DOCK1: variants seen among roughly 807,000 people sequenced by gnomAD.
The protein encoded by DOCK1 is dedicator of cytokinesis 1.
In DOCK1, 138 loss-of-function variants were observed where a neutral mutation model predicts 262.7. The observed-to-expected ratio is 0.53, with a 90% CI of 0.46 to 0.61. DOCK1 has a LOEUF of 0.61. Ranked by LOEUF, DOCK1 falls within the 20% of genes least tolerant of loss-of-function variation. The pLI, the probability that DOCK1 is intolerant of heterozygous loss-of-function variation, is 0.00. For synonymous variants in DOCK1, 866 were observed against 867.4 expected (o/e 1.00, Z 0.03); for missense variants, 1,908 against 2,370.7 (o/e 0.80, Z 4.05).
intron 29 of DOCK1, among the ~76,000 whole-genome samples, chr10:127,273,146 G>A (rs1340446478): frequency 2.0e-5 from 3 of 152,202 alleles, no homozygotes; most frequent in South Asian, 2.1e-4. Flanking sequence ...AAACACTAAA[G>A]TGAAGTTTCC....
intron 29 of DOCK1, among the ~76,000 whole-genome samples, chr10:127,310,794 A>C (rs555834007): frequency 1.3e-5 from 2 of 152,306 alleles, no homozygotes; most frequent in African/African-American, 2.4e-5. Context: ...GCTAGAACAC[A>C]TTACTACAAT....
intron 50 of DOCK1, 148 bp downstream of exon 50, chr10:127,444,427 C>T: frequency 9.0e-7 from 1 of 1,106,156 alleles, no homozygotes; most frequent in South Asian, 1.7e-5. Flanking sequence ...GGAGTGTCCC[C>T]TGGGACAGGC....
rs1471782044 is a variant in DOCK1 at position 127,339,082 on chromosome 10, C to G, written c.3121C>G (p.Gln1041Glu). The G allele has an allele frequency of 6.4e-7, 1 of 1,569,992 alleles. No homozygotes were observed. The highest frequency in any genetic ancestry group is 1.2e-5 in the South Asian group (1 of 85,154). The change falls in exon 30 of 52, where the codon CAG becomes GAG. Residue 1041 changes from glutamine to glutamate, a missense_variant and splice_region_variant. Physicochemically the swap from Gln to Glu is conservative, Grantham distance 29. Coordinates refer to ENST00000623213, the MANE Select transcript of DOCK1 (RefSeq NM_001290223.2). The stretch of plus-strand genomic sequence containing the variant: ...TCTGGATCAAGCCAACTTTGAGCTA[C>G]AGGTAAGAGAAGAGGTAGACACGAC... ...KFLDQANFEL[Q>E]LWNNYFHLAV...
intron 29 of DOCK1, among the ~76,000 whole-genome samples, chr10:127,277,181 TA>T (rs1431655440): frequency 6.6e-6 from 1 of 152,174 alleles, no homozygotes; most frequent in Non-Finnish European, 1.5e-5. Context: ...CTTTTGACTT[TA>T]AAAAATTCTC....
At chr10:127,050,363 T>G (rs1442267132) in intron 21 of DOCK1, among the ~76,000 whole-genome samples, 4 of 151,550 alleles carry the variant, frequency 2.6e-5, no homozygotes, top group African/African-American at 9.7e-5. Context: ...CTATTATATA[T>G]AATAGATATT....
At chr10:127,169,161 T>A (rs1033168078) in intron 27 of DOCK1, among the ~76,000 whole-genome samples, 7 of 152,232 alleles carry the variant, frequency 4.6e-5, no homozygotes, top group Non-Finnish European at 1.0e-4. Flanking sequence ...TGCTGTCATA[T>A]ACATTATACA....
intron 27 of DOCK1, among the ~76,000 whole-genome samples, chr10:127,181,388 T>C (rs2133968616): frequency 6.6e-6 from 1 of 152,318 alleles, no homozygotes; most frequent in East Asian, 1.9e-4. Flanking sequence ...ATTCTGTCCA[T>C]TCTTAAAATG....
intron 27 of DOCK1, among the ~76,000 whole-genome samples, chr10:127,241,984 C>T (rs2059281260): frequency 6.6e-6 from 1 of 152,160 alleles, no homozygotes; most frequent in South Asian, 2.1e-4. Flanking sequence ...TACCTGGCAC[C>T]CTCCAGTTTC....
intron 1 of DOCK1, among the ~76,000 whole-genome samples, chr10:126,945,587 G>A (rs991067510): frequency 5.3e-5 from 8 of 152,152 alleles, no homozygotes; most frequent in Admixed American, 5.2e-4. Context: ...GAGTCACTAG[G>A]TCCAGCCCAT....
chr10:126,962,384 C>G (rs1216491624), intron 1 of DOCK1, among the ~76,000 whole-genome samples: 1 of 152,216 alleles, frequency 6.6e-6, no homozygotes, highest in Non-Finnish European at 1.5e-5. Flanking sequence ...ATCTCTAACT[C>G]CTGACCTCAG....
At chr10:126,955,158 G>C (rs1453681658) in intron 1 of DOCK1, among the ~76,000 whole-genome samples, 1 of 152,098 alleles carries the variant, frequency 6.6e-6, no homozygotes, top group Non-Finnish European at 1.5e-5. Flanking sequence ...ATGGAGTCTT[G>C]CTCTGTTGCC....
At chr10:126,976,826 C>T (rs577893742) in intron 2 of DOCK1, among the ~76,000 whole-genome samples, 6 of 152,124 alleles carry the variant, frequency 3.9e-5, no homozygotes, top group East Asian at 3.9e-4. Flanking sequence ...CTCTGCCTCT[C>T]GGGTTTAAGC....
At chr10:127,211,760 G>A (rs1040046527) in intron 27 of DOCK1, among the ~76,000 whole-genome samples, 1 of 152,192 alleles carries the variant, frequency 6.6e-6, no homozygotes, top group Admixed American at 6.5e-5. Flanking sequence ...CAGCCCTGCT[G>A]TCCAGGCCAC....
chr10:127,111,579 G>A (rs1326957814), intron 25 of DOCK1, among the ~76,000 whole-genome samples: 1 of 152,082 alleles, frequency 6.6e-6, no homozygotes, highest in African/African-American at 2.4e-5. Context: ...GTACTCTAGG[G>A]GGCTTAAGGA....
intron 23 of DOCK1, among the ~76,000 whole-genome samples, chr10:127,099,794 T>C (rs9633650): frequency 6.6e-6 from 1 of 152,056 alleles, no homozygotes; most frequent in East Asian, 1.9e-4. Context: ...AGGACACACA[T>C]CCAAACCATA....
chr10:127,318,093 T>G (rs1386532544), intron 29 of DOCK1, among the ~76,000 whole-genome samples: 2 of 152,194 alleles, frequency 1.3e-5, no homozygotes, highest in Non-Finnish European at 2.9e-5. Flanking sequence ...AGGACACAAC[T>G]AGATATTGAT....
intron 2 of DOCK1, among the ~76,000 whole-genome samples, chr10:126,971,372 T>C (rs1364923823): frequency 6.6e-6 from 1 of 152,086 alleles, no homozygotes; most frequent in African/African-American, 2.4e-5. Flanking sequence ...TAAATCTTGA[T>C]TGTTAACAGT....
intron 1 of DOCK1, among the ~76,000 whole-genome samples, chr10:126,952,524 G>C (rs936557411): frequency 4.0e-5 from 6 of 151,604 alleles, no homozygotes; most frequent in Non-Finnish European, 8.8e-5. Context: ...TGTTATTCTT[G>C]GTAGTACGGT....
chr10:127,066,619 C>T (rs913391275), intron 23 of DOCK1, among the ~76,000 whole-genome samples: 1 of 152,164 alleles, frequency 6.6e-6, no homozygotes, highest in Non-Finnish European at 1.5e-5. Flanking sequence ...CAGGAAACAC[C>T]AAACATCTGG....
Sources: gnomAD v4.1 joint callset for allele counts (sites outside exome capture counted in the v4.1 genomes callset) on GRCh38, gnomAD v4.1.1 for gene constraint, MANE v1.5 for transcripts, NCBI Gene and HGNC (gene_info 2026-07-23, HGNC 2026-07-21) for gene names.